The following PALLD variants were observed in gnomAD, a reference collection of about 807,000 sequenced individuals.
The protein encoded by PALLD is palladin.
In PALLD, 61 loss-of-function variants were observed where a neutral mutation model predicts 123.5. That is an observed-to-expected ratio of 0.49 (90% CI 0.40 to 0.61). The LOEUF (loss-of-function observed/expected upper bound fraction) is 0.61, where lower values mean the gene tolerates loss of function less well. Among genes scored for constraint, PALLD ranks in the 20% least tolerant of loss-of-function variants. PALLD has a pLI of 0.00. For missense variants in PALLD, 1,273 were observed against 1,377.0 expected, an observed-to-expected ratio of 0.92 and a Z score of 1.20; for synonymous variants, 465 against 496.4, an observed-to-expected ratio of 0.94 and a Z score of 0.84.
At chr4:168,610,047 A>G (rs1393659588) in intron 2 of PALLD, among the ~76,000 whole-genome samples, 1 of 152,168 alleles carries the variant, frequency 6.6e-6, no homozygotes, top group Non-Finnish European at 1.5e-5. Context: ...TCCAATGCAT[A>G]TATTTTTCTA....
intron 10 of PALLD, among the ~76,000 whole-genome samples, chr4:168,806,002 C>T (rs914873570): frequency 7.9e-5 from 12 of 152,076 alleles, no homozygotes; most frequent in Admixed American, 3.3e-4. Context: ...TGGGGGCGGA[C>T]GTTCCCTTTG....
intron 2 of PALLD, among the ~76,000 whole-genome samples, chr4:168,583,850 G>A (rs533399346): frequency 6.6e-6 from 1 of 152,094 alleles, no homozygotes; most frequent in Admixed American, 6.6e-5. Flanking sequence ...ACTTTCCTTC[G>A]ATATCTTTTC....
In PALLD at chr4:168,874,022, G is replaced by A. The variant is rs192535824; in HGVS notation, c.1965-16900G>A. Among the ~76,000 whole-genome samples, 176 of 152,284 alleles carry A rather than the reference G, an allele frequency of 1.2e-3. 1 individual carries two copies. Among genetic ancestry groups the A allele is most frequent in the African/African-American group, 4.2e-3 (173 of 41,556 alleles). On this transcript the variant is annotated intron_variant, in intron 10 of 21. Coordinates refer to ENST00000505667, the MANE Select transcript of PALLD (RefSeq NM_001166108.2). Reference sequence around the variant, plus strand: ...ACATAGGTGAAGAGAAACATCCCCTGCAATAAGTAAAACATTGTTCTTGTT... The same window carrying A: ...ACATAGGTGAAGAGAAACATCCCCTACAATAAGTAAAACATTGTTCTTGTT...
intron 2 of PALLD, among the ~76,000 whole-genome samples, chr4:168,544,945 A>G (rs1765998661): frequency 6.6e-6 from 1 of 152,138 alleles, no homozygotes; most frequent in African/African-American, 2.4e-5. Context: ...GTGCCTATAT[A>G]TGACCGTCAC....
At chr4:168,514,271 T>C (rs1298207120) in intron 2 of PALLD, among the ~76,000 whole-genome samples, 1 of 152,222 alleles carries the variant, frequency 6.6e-6, no homozygotes, top group Non-Finnish European at 1.5e-5. Flanking sequence ...CTTTGCTCAC[T>C]AACACAAGCT....
intron 2 of PALLD, among the ~76,000 whole-genome samples, chr4:168,563,280 G>A (rs571764268): frequency 3.3e-5 from 5 of 152,256 alleles, no homozygotes; most frequent in South Asian, 2.1e-4. Context: ...TCTGGAGCTC[G>A]GGGGAAAGGG....
intron 10 of PALLD, among the ~76,000 whole-genome samples, chr4:168,826,914 C>T (rs535139116): frequency 1.2e-4 from 18 of 152,348 alleles, no homozygotes; most frequent in African/African-American, 4.3e-4. Context: ...CATGCCTTCA[C>T]TAGATGATCT....
intron 21 of PALLD, among the ~76,000 whole-genome samples, chr4:168,925,838 A>G (rs1762478627): frequency 6.6e-6 from 1 of 152,194 alleles, no homozygotes; most frequent in Non-Finnish European, 1.5e-5. Flanking sequence ...TAAAGCATCC[A>G]CATCCAGCAG....
intron 10 of PALLD, among the ~76,000 whole-genome samples, chr4:168,738,845 T>A (rs1457152497): frequency 1.3e-5 from 2 of 151,904 alleles, no homozygotes; most frequent in Non-Finnish European, 2.9e-5. Context: ...AAATTACAGA[T>A]GGCAACATTA....
chr4:168,528,274 C>T (rs1764264270), intron 2 of PALLD, among the ~76,000 whole-genome samples: 1 of 152,236 alleles, frequency 6.6e-6, no homozygotes, highest in Non-Finnish European at 1.5e-5. Context: ...GCAAGTTACA[C>T]AGCTTCAAAA....
At chr4:168,580,242 GT>G in intron 2 of PALLD, among the ~76,000 whole-genome samples, 1 of 94,526 alleles carries the variant, frequency 1.1e-5, no homozygotes, top group African/African-American at 7.5e-5. Context: ...TCACTGTGGT[GT>G]GTGTGTGTGT....
chr4:168,777,208 G>A (rs1735286128), intron 10 of PALLD, among the ~76,000 whole-genome samples: 1 of 152,148 alleles, frequency 6.6e-6, no homozygotes, highest in Admixed American at 6.6e-5. Context: ...ACCTTCCTGA[G>A]TAGAGCTAAC....
At chr4:168,598,608 C>A in intron 2 of PALLD, 2 of 334,912 alleles carry the variant, frequency 6.0e-6, no homozygotes, top group Non-Finnish European at 1.2e-5. Context: ...ATGTTCACCT[C>A]TTTAATACCA....
intron 2 of PALLD, among the ~76,000 whole-genome samples, chr4:168,531,030 G>T (rs1352353598): frequency 6.6e-6 from 1 of 152,138 alleles, no homozygotes; most frequent in Non-Finnish European, 1.5e-5. Context: ...AAATTACAGA[G>T]CATATTTTTA....
intron 2 of PALLD, chr4:168,537,933 A>C (rs1765246488): frequency 6.6e-6 from 1 of 152,252 alleles, no homozygotes. Flanking sequence ...TTCATGTTTA[A>C]CCTGTTACAG....
At chr4:168,747,010 A>G (rs1295216807) in intron 10 of PALLD, among the ~76,000 whole-genome samples, 1 of 152,234 alleles carries the variant, frequency 6.6e-6, no homozygotes, top group Admixed American at 6.5e-5. Context: ...CAGAGCTAAA[A>G]TAGTCCATCT....
intron 2 of PALLD, among the ~76,000 whole-genome samples, chr4:168,567,268 T>A (rs1202966705): frequency 6.6e-6 from 1 of 152,066 alleles, no homozygotes; most frequent in East Asian, 1.9e-4. Context: ...ATTAGCAGAC[T>A]AGGCATCTGA....
In PALLD at chr4:168,876,887, A is replaced by G. The variant is rs1751820560; in HGVS notation, c.1965-14035A>G. Among the ~76,000 whole-genome samples the G allele has an allele frequency of 2.0e-5, 3 of 152,242 alleles. No individual in the cohort carries two copies. The South Asian group carries it at 6.2e-4, about 32-fold the overall frequency. ...ATAAAGGAAAACATCCTGGATGTAC[A>G]GCAAAGTTTTTGAGTAAAAGAGTGA... On this transcript the variant is annotated intron_variant, in intron 10 of 21. Coordinates refer to ENST00000505667, the MANE Select transcript of PALLD (RefSeq NM_001166108.2).
chr4:168,719,135 C>T (rs1036491234), intron 10 of PALLD, among the ~76,000 whole-genome samples: 4 of 150,950 alleles, frequency 2.6e-5, no homozygotes, highest in East Asian at 2.0e-4. Context: ...CTCAAACTCC[C>T]GACCTCGTGA....
Sources: gnomAD v4.1 joint callset for allele counts (sites outside exome capture counted in the v4.1 genomes callset) on GRCh38, gnomAD v4.1.1 for gene constraint, MANE v1.5 for transcripts, NCBI Gene and HGNC (gene_info 2026-07-23, HGNC 2026-07-21) for gene names.